The following ZC3H7A variants were observed in gnomAD, a reference collection of about 807,000 sequenced individuals.
ZC3H7A encodes zinc finger CCCH domain-containing protein 7A.
Under a neutral mutation model 125.5 loss-of-function variants are expected in ZC3H7A, and 44 were observed. The observed-to-expected ratio is 0.35, with a 90% CI of 0.28 to 0.45. The LOEUF (loss-of-function observed/expected upper bound fraction) is 0.45. ZC3H7A is among the 20% of genes least tolerant of loss of function. ZC3H7A has a pLI of 1.00. For synonymous variants in ZC3H7A, 399 were observed against 391.2 expected, an observed-to-expected ratio of 1.02 and a Z score of -0.23; for missense variants, 977 against 1,170.7, an observed-to-expected ratio of 0.83 and a Z score of 2.41.
At chr16:11,770,751 G>T in intron 10 of ZC3H7A, 32 bp downstream of exon 10, 1 of 1,565,360 alleles carries the variant, frequency 6.4e-7, no homozygotes. Flanking sequence ...AAAATCAACT[G>T]CAATTGTTTA....
chr16:11,797,070 G>GGGGCGC (rs1567401282), intron 1 of ZC3H7A, 54 bp downstream of exon 1: 1 of 141,586 alleles, frequency 7.1e-6, no homozygotes, highest in South Asian at 1.8e-4. Flanking sequence ...GGGGGGGGCG[G>GGGGCGC]GGGCGCGGGC....
chr16:11,752,281 AT>A (rs529970358), intron 22 of ZC3H7A, among the ~76,000 whole-genome samples: 6 of 152,248 alleles, frequency 3.9e-5, no homozygotes, highest in Non-Finnish European at 8.8e-5. Flanking sequence ...TAAGTTCTAG[AT>A]TTTAAATATA....
chr16:11,789,677 C>A (rs914244145), intron 1 of ZC3H7A, among the ~76,000 whole-genome samples: 2 of 152,116 alleles, frequency 1.3e-5, no homozygotes, highest in African/African-American at 2.4e-5. Context: ...TATGGTTGTA[C>A]CATAATTTTA....
intron 22 of ZC3H7A, 60 bp from the exon 23 acceptor site, chr16:11,751,566 G>C (rs2052553533): frequency 1.3e-6 from 2 of 1,524,596 alleles, no homozygotes; most frequent in African/African-American, 2.8e-5. Flanking sequence ...ATCGTGTCAT[G>C]ATTCTTGAAA....
At chr16:11,761,884 G>T in intron 18 of ZC3H7A, 26 bp downstream of exon 18, 1 of 1,603,856 alleles carries the variant, frequency 6.2e-7, no homozygotes, top group Non-Finnish European at 8.5e-7. Flanking sequence ...TACAAAATAG[G>T]AATTGTTTCC....
intron 10 of ZC3H7A, 96 bp from the exon 11 acceptor site, chr16:11,769,191 T>C: frequency 2.0e-6 from 2 of 1,006,732 alleles, no homozygotes; most frequent in Non-Finnish European, 2.8e-6. Context: ...CCTCCCACGC[T>C]ATTCTCCCGT....
chr16:11,778,835 T>A (rs2053127281), intron 4 of ZC3H7A, among the ~76,000 whole-genome samples: 1 of 152,108 alleles, frequency 6.6e-6, no homozygotes, highest in Non-Finnish European at 1.5e-5. Flanking sequence ...TGCCTCAGCC[T>A]CCCGGGCAGC....
Position 11,751,182 on chromosome 16 carries a change from TG to T in ZC3H7A, c.*134del. The T allele has an allele frequency of 1.1e-6, 1 of 891,526 alleles. No homozygotes were observed. Among genetic ancestry groups the T allele is most frequent in the Non-Finnish European group, 1.6e-6 (1 of 611,016 alleles). 55.2% of individuals were successfully genotyped at this position (891,526 alleles called of 1,614,324 possible). On this transcript the variant is annotated 3_prime_UTR_variant, in exon 23 of 23. Transcript: ENST00000355758. The stretch of plus-strand genomic sequence containing the variant: ...AAACAGCCCATTTTCCTACCTACTG[TG>T]GGTTGCTGCTCAGGAGGAACGATAT...
intron 15 of ZC3H7A, 121 bp downstream of exon 15, chr16:11,764,932 T>C (rs2052829058): frequency 1.5e-6 from 1 of 647,804 alleles, no homozygotes; most frequent in South Asian, 2.3e-5. Context: ...GTCATTGTTC[T>C]TCAAAATAAC....
At chr16:11,797,060 G>C (rs902096380) in intron 1 of ZC3H7A, 64 bp downstream of exon 1, 1 of 88,346 alleles carries the variant, frequency 1.1e-5, no homozygotes, top group African/African-American at 3.1e-5. Context: ...CGGCGCGCGC[G>C]GGGGGGGCGG....
chr16:11,768,255 G>A, intron 12 of ZC3H7A, 60 bp downstream of exon 12: 1 of 1,345,638 alleles, frequency 7.4e-7, no homozygotes, highest in Non-Finnish European at 9.7e-7. Context: ...AAATTCCTAA[G>A]AACTTTCAAG....
In ZC3H7A at chr16:11,761,960, G is replaced by C. The variant is rs2052759943; in HGVS notation, c.2163C>G (p.Val721=). The change falls in exon 18 of 23, where the codon GTC becomes GTG. Residue 721 remains valine, a synonymous_variant. Transcript: ENST00000355758. The part of the protein sequence containing the change: ...VCAQCLRNGQ[V]IEPDKNRKYC... ...ATTTTCTGTTTTTGTCTGGTTCAATGACTTGACCGTTTCTCAGACACTGGG... is the reference window on the plus strand; with the variant it reads ...ATTTTCTGTTTTTGTCTGGTTCAATCACTTGACCGTTTCTCAGACACTGGG... 3 of 1,613,626 alleles carry C rather than the reference G, an allele frequency of 1.9e-6. No individual in the cohort carries two copies. Among genetic ancestry groups the C allele is most frequent in the East Asian group, 2.2e-5 (1 of 44,844 alleles).
In ZC3H7A at chr16:11,751,295, A is replaced by G. The variant is rs1476794153; in HGVS notation, c.*22T>C. Reference sequence around the variant, plus strand: ...TTTCTGGTCAATGCTCTGATTAGGTATCATACATAAAAGCCAGCATATTAG... The same window carrying G: ...TTTCTGGTCAATGCTCTGATTAGGTGTCATACATAAAAGCCAGCATATTAG... On this transcript the variant is annotated 3_prime_UTR_variant, in exon 23 of 23. Coordinates refer to ENST00000355758, the MANE Select transcript of ZC3H7A (RefSeq NM_014153.4). 1 of 1,598,788 alleles carries G rather than the reference A, an allele frequency of 6.3e-7. No homozygotes were observed. Among genetic ancestry groups the G allele is most frequent in the Admixed American group, 1.7e-5 (1 of 57,886 alleles).
intron 11 of ZC3H7A, among the ~76,000 whole-genome samples, 200 bp downstream of exon 11, chr16:11,768,831 C>T (rs926018320): frequency 1.3e-5 from 2 of 152,056 alleles, no homozygotes; most frequent in African/African-American, 2.4e-5. Flanking sequence ...TCTGCAATAC[C>T]GATTAATTTG....
chr16:11,775,062 C>T lies in ZC3H7A; in HGVS notation c.586-49G>A, dbSNP rs775646564. 39 of 1,602,184 alleles carry T rather than the reference C, an allele frequency of 2.4e-5. No individual in the cohort carries two copies. In the Admixed American group the frequency reaches 6.5e-4, roughly 27 times the overall value. On this transcript the variant is annotated intron_variant, in intron 7 of 22. Coordinates refer to ENST00000355758, the MANE Select transcript of ZC3H7A (RefSeq NM_014153.4). ...GTTATAATATTTTCAGGACTCTAAG[C>T]CATAAAACAATCAGTAAAACTCACC...
chr16:11,781,901 T>C (rs16958657), intron 2 of ZC3H7A, among the ~76,000 whole-genome samples: 3,492 of 152,222 alleles, frequency 0.023, 133 homozygotes, highest in African/African-American at 0.079. Flanking sequence ...TGTCTCATCA[T>C]TGACATGCTT....
Position 11,750,609 on chromosome 16 carries a change from C to A in ZC3H7A, c.*708G>T, listed in dbSNP as rs2052539579. The A allele has an allele frequency of 1.3e-5, 2 of 152,456 alleles. No homozygotes were observed. Among genetic ancestry groups the A allele is most frequent in the Non-Finnish European group, 2.9e-5 (2 of 68,032 alleles). 9.4% of individuals were successfully genotyped at this position (152,456 alleles called of 1,614,324 possible). The stretch of plus-strand genomic sequence containing the variant: ...AATGAAAGGCATCTATATATAAAAT[C>A]TTTATTACAGGCAGTATTGGTCCAT... On this transcript the variant is annotated 3_prime_UTR_variant, in exon 23 of 23. Coordinates refer to ENST00000355758, the MANE Select transcript of ZC3H7A (RefSeq NM_014153.4).
intron 7 of ZC3H7A, 40 bp from the exon 8 acceptor site, chr16:11,775,053 G>T: frequency 6.2e-7 from 1 of 1,608,148 alleles, no homozygotes; most frequent in Non-Finnish European, 8.5e-7. Flanking sequence ...ATATTTTCAG[G>T]ACTCTAAGCC....
intron 15 of ZC3H7A, among the ~76,000 whole-genome samples, chr16:11,764,037 G>A (rs1034708918): frequency 1.1e-4 from 16 of 151,586 alleles, no homozygotes; most frequent in Middle Eastern, 3.4e-3. Flanking sequence ...CTCGTGATCC[G>A]CCTGCCTCGG....
Sources: allele counts gnomAD v4.1 joint callset (sites outside exome capture counted in the v4.1 genomes callset), GRCh38; gene constraint gnomAD v4.1.1; transcripts MANE v1.5; gene names NCBI Gene and HGNC (gene_info 2026-07-23, HGNC 2026-07-21).